Variants in AQP7B observed in about 807,000 individuals in gnomAD.
AQP7B encodes the protein putative aquaporin-7B.
chr2:94,600,108 G>A, the AQP7B span, among the ~76,000 whole-genome samples: 1 of 151,938 alleles, frequency 6.6e-6, no homozygotes, highest in East Asian at 1.9e-4. Flanking sequence ...GACCTAAAGT[G>A]ATCCATCCAC....
At chr2:94,597,476 C>G in the AQP7B span, among the ~76,000 whole-genome samples, 1 of 152,084 alleles carries the variant, frequency 6.6e-6, no homozygotes, top group Admixed American at 6.5e-5. Context: ...ATGCAATAGC[C>G]CTGTGAAGTA....
the AQP7B span, among the ~76,000 whole-genome samples, chr2:94,601,258 C>T: frequency 2.0e-5 from 3 of 152,136 alleles, no homozygotes; most frequent in Non-Finnish European, 2.9e-5. Context: ...AATAATAGTG[C>T]TTAACTATCA....
the AQP7B span, chr2:94,603,081 G>C: frequency 6.3e-6 from 10 of 1,592,944 alleles, no homozygotes; most frequent in Non-Finnish European, 7.7e-6. Context: ...CTGTGCGCTG[G>C]GCCGCGTGCC....
chr2:94,602,700 C>T, the AQP7B span: 2 of 1,369,442 alleles, frequency 1.5e-6, no homozygotes, highest in African/African-American at 1.4e-5. Context: ...CAGCTCCTTT[C>T]CCAGCACAGC....
chr2:94,603,084 C>T, the AQP7B span: 35 of 1,591,580 alleles, frequency 2.2e-5, no homozygotes, highest in Non-Finnish European at 2.7e-5. Flanking sequence ...TGCGCTGGGC[C>T]GCGTGCCCTG....
At chr2:94,598,162 AT>A in the AQP7B span, among the ~76,000 whole-genome samples, 3 of 152,144 alleles carry the variant, frequency 2.0e-5, no homozygotes, top group Admixed American at 6.5e-5. Context: ...TATATCGGAT[AT>A]TGTGTTGTTG....
At chr2:94,595,232 C>T in the AQP7B span, among the ~76,000 whole-genome samples, 2 of 151,972 alleles carry the variant, frequency 1.3e-5, no homozygotes, top group Non-Finnish European at 2.9e-5. Context: ...GTCAGGAGTT[C>T]GAAACCAGCC....
At chr2:94,601,318 A>G in the AQP7B span, among the ~76,000 whole-genome samples, 1 of 152,304 alleles carries the variant, frequency 6.6e-6, no homozygotes, top group East Asian at 1.9e-4. Flanking sequence ...GGGAACATAG[A>G]GTGAGGAGCA....
the AQP7B span, among the ~76,000 whole-genome samples, chr2:94,591,371 C>A: frequency 2.0e-4 from 31 of 152,262 alleles, no homozygotes; most frequent in East Asian, 5.0e-3. Context: ...TGAGCTGCCC[C>A]GCTCCCTTCC....
chr2:94,597,066 A>G, the AQP7B span, among the ~76,000 whole-genome samples: 438 of 152,242 alleles, frequency 2.9e-3, 2 homozygotes, highest in African/African-American at 9.8e-3. Context: ...CTCAGCACCC[A>G]GTGTGGTACC....
the AQP7B span, among the ~76,000 whole-genome samples, chr2:94,598,279 T>C: frequency 1.3e-5 from 2 of 152,202 alleles, no homozygotes; most frequent in Non-Finnish European, 1.5e-5. Context: ...CCAAAAAAGC[T>C]AGTGTGACCT....
chr2:94,600,208 TCTC>T, the AQP7B span, among the ~76,000 whole-genome samples: 2 of 152,152 alleles, frequency 1.3e-5, no homozygotes, highest in Non-Finnish European at 2.9e-5. Flanking sequence ...CCTGGGGCCT[TCTC>T]CTCTGACGGC....
At chr2:94,593,676 G>A in the AQP7B span, among the ~76,000 whole-genome samples, 9 of 151,888 alleles carry the variant, frequency 5.9e-5, no homozygotes, top group African/African-American at 9.7e-5. Flanking sequence ...AGTAGAGATG[G>A]AGTTTCTCTA....
chr2:94,603,998 G>A, the AQP7B span: 28 of 942,578 alleles, frequency 3.0e-5, no homozygotes, highest in African/African-American at 4.9e-5. Flanking sequence ...AGGGGTGGGG[G>A]GTGATGTGAG....
At chr2:94,594,442 G>A in the AQP7B span, among the ~76,000 whole-genome samples, 437 of 152,294 alleles carry the variant, frequency 2.9e-3, 2 homozygotes, top group African/African-American at 9.8e-3. Context: ...TGTTGGCACC[G>A]TGGATTGCAC....
chr2:94,594,298 C>T, the AQP7B span, among the ~76,000 whole-genome samples: 1 of 152,218 alleles, frequency 6.6e-6, no homozygotes, highest in African/African-American at 2.4e-5. Flanking sequence ...GAGTGCCTCA[C>T]TGTTGCCAGG....
At chr2:94,603,545 C>T in the AQP7B span, 1 of 1,569,418 alleles carries the variant, frequency 6.4e-7, no homozygotes, top group Non-Finnish European at 8.7e-7. Context: ...CCCTCCACCC[C>T]TCAGGACAGA....
the AQP7B span, among the ~76,000 whole-genome samples, chr2:94,595,332 G>A: frequency 1.3e-5 from 2 of 152,162 alleles, no homozygotes; most frequent in Non-Finnish European, 1.5e-5. Flanking sequence ...TTATTCAGGA[G>A]GCTGAGGCAG....
chr2:94,601,153 A>G, the AQP7B span, among the ~76,000 whole-genome samples: 2 of 152,234 alleles, frequency 1.3e-5, no homozygotes, highest in African/African-American at 4.8e-5. Flanking sequence ...AACTGCCTGG[A>G]TTTAATCCTG....
Sources: gnomAD v4.1 joint callset for allele counts (sites outside exome capture counted in the v4.1 genomes callset) on GRCh38, gnomAD v4.1.1 for gene constraint, MANE v1.5 for transcripts, NCBI Gene and HGNC (gene_info 2026-07-23, HGNC 2026-07-21) for gene names.